The following MBNL3 variants were observed in gnomAD, a reference collection of about 807,000 sequenced individuals.
MBNL3 encodes the protein muscleblind like splicing regulator 3.
In MBNL3, 6 loss-of-function variants were observed where a neutral mutation model predicts 24.5. The observed-to-expected ratio is 0.25, with a 90% confidence interval of 0.13 to 0.48. MBNL3 has a LOEUF of 0.48. Among genes scored for constraint, MBNL3 ranks in the 20% least tolerant of loss-of-function variants. MBNL3 has a pLI of 0.99. For synonymous variants in MBNL3, 100 were observed against 101.7 expected, an observed-to-expected ratio of 0.98 and a Z score of 0.10; for missense variants, 230 against 293.5, an observed-to-expected ratio of 0.78 and a Z score of 1.58.
intron 8 of MBNL3, 24 bp downstream of exon 8, chrX:132,382,154 A>G (rs1422396584): frequency 3.4e-6 from 4 of 1,190,621 alleles, no homozygotes; most frequent in Non-Finnish European, 4.6e-6. Flanking sequence ...TCTTGATCTG[A>G]ACAGCTTAAA....
Position 132,401,405 on chromosome X carries a change from A to G in MBNL3, c.342+4823T>C, listed in dbSNP as rs967208474. Among the ~76,000 whole-genome samples the G allele has an allele frequency of 7.2e-5, 8 of 110,398 alleles. No individual in the cohort carries two copies. The Admixed American group carries it at 7.8e-4, about 11-fold the overall frequency. On this transcript the variant is annotated intron_variant, in intron 3 of 8. Coordinates refer to ENST00000370853, the MANE Select transcript of MBNL3 (RefSeq NM_001386889.1). ...CTTGAGGCTGGGAAATCAGTACCAG[A>G]CTGGGCAACATAGTGAGATCACATT... is the stretch of plus-strand genomic sequence containing the variant.
chrX:132,420,076 G>C lies in MBNL3; in HGVS notation c.178-13684C>G, dbSNP rs766449265. 9.9e-5 allele frequency among the ~76,000 whole-genome samples: 11 copies of C among 111,224 alleles called. No individual in the cohort carries two copies. The South Asian group carries it at 3.1e-3, about 31-fold the overall frequency. On this transcript the variant is annotated intron_variant, in intron 2 of 8. Transcript: ENST00000370853. ...GCAAGCCTCTTGTTCTCTGACCTGG[G>C]GTTCTTGGCCTCATGGATTCCAAGG...
In MBNL3 at chrX:132,406,336, C is replaced by A. The variant is rs770147271; in HGVS notation, c.234G>T (p.Thr78=). Residue 78 remains threonine, a synonymous_variant, in exon 3 of 9, where the codon ACG becomes ACT. Transcript: ENST00000370853. The part of the protein sequence containing the change: ...KYLHPPPHLK[T]QLEINGRNNL... ...TGTTCCGCCCATTAATCTCCAGCTG[C>A]GTTTTTAAGTGTGGAGGAGGGTGAA... 8.3e-7 allele frequency: 1 copy of A among 1,210,707 alleles called. No individual in the cohort carries two copies. Among genetic ancestry groups the A allele is most frequent in the Non-Finnish European group, 1.1e-6 (1 of 894,811 alleles).
At chrX:132,451,018 G>C (rs1160698368) in intron 1 of MBNL3, among the ~76,000 whole-genome samples, 3 of 112,308 alleles carry the variant, frequency 2.7e-5, no homozygotes, top group African/African-American at 9.7e-5. Context: ...ACCAAAGATT[G>C]CTGCCTACTC....
intron 2 of MBNL3, among the ~76,000 whole-genome samples, chrX:132,439,223 G>T (rs1945276285): frequency 9.0e-6 from 1 of 111,165 alleles, no homozygotes; most frequent in African/African-American, 3.3e-5. Flanking sequence ...TTTAGACTTG[G>T]CTTAGCTCTA....
rs773496518 is a variant in MBNL3 at position 132,424,808 on chromosome X, T to A, written c.177+14627A>T. The stretch of plus-strand genomic sequence containing the variant: ...TTCTTTCCTTCTGTTTTTTTTTTTT[T>A]AAATCTCTGACTTGGAAGCAATGTC... On this transcript the variant is annotated intron_variant, in intron 2 of 8. Coordinates refer to ENST00000370853, the MANE Select transcript of MBNL3 (RefSeq NM_001386889.1). 3.1e-4 allele frequency among the ~76,000 whole-genome samples: 34 copies of A among 110,095 alleles called. No homozygotes were observed. The East Asian group carries it at 8.2e-3, about 27-fold the overall frequency.
At chrX:132,430,444 G>A (rs1267506768) in intron 2 of MBNL3, 2 of 111,428 alleles carry the variant, frequency 1.8e-5, no homozygotes, top group Non-Finnish European at 3.8e-5. Flanking sequence ...TCCAATCCAG[G>A]TTCCCACATG....
Position 132,439,851 on chromosome X carries a change from C to T in MBNL3, c.-240G>A, listed in dbSNP as rs764525678. 1.9e-3 allele frequency among the ~76,000 whole-genome samples: 209 copies of T among 111,460 alleles called. 1 individual carries two copies. Among genetic ancestry groups the T allele is most frequent in the African/African-American group, 6.3e-3 (193 of 30,692 alleles). On this transcript the variant is annotated 5_prime_UTR_variant, in exon 2 of 9. Transcript: ENST00000370853. ...AAATTAGAGACCAACTCTTAAGAAG[C>T]CAACTGTTAAGATAATGAATGCTTT... is the stretch of plus-strand genomic sequence containing the variant.
chrX:132,439,584 G>A lies in MBNL3; in HGVS notation c.28C>T (p.Arg10Cys), dbSNP rs1945298864. The A allele has an allele frequency of 8.3e-7, 1 of 1,201,363 alleles. No homozygotes were observed. Among genetic ancestry groups the A allele is most frequent in the Non-Finnish European group, 1.1e-6 (1 of 891,382 alleles). The change falls in exon 2 of 9, where the codon CGT becomes TGT. Residue 10 changes from arginine (R) to cysteine (C), a missense_variant. By Grantham distance (180) the Arg-to-Cys change is radical (BLOSUM62 -3). Transcript: ENST00000370853. ...TCTAAAGTCAGCCACTTGGTATCACGAATCAGGGCAACATTGACAGCCGTC... is the reference window on the plus strand; with the variant it reads ...TCTAAAGTCAGCCACTTGGTATCACAAATCAGGGCAACATTGACAGCCGTC... MTAVNVALI[R>C]DTKWLTLEVC...
intron 1 of MBNL3, among the ~76,000 whole-genome samples, chrX:132,445,446 A>C (rs182726386): frequency 3.6e-5 from 4 of 111,662 alleles, no homozygotes; most frequent in African/African-American, 1.3e-4. Flanking sequence ...TCCAGAAAAA[A>C]AAAATTGTCG....
At chrX:132,474,153 A>G (rs374412699) in intron 1 of MBNL3, among the ~76,000 whole-genome samples, 38 of 111,900 alleles carry the variant, frequency 3.4e-4, no homozygotes, top group African/African-American at 1.2e-3. Flanking sequence ...AAAATCCATG[A>G]AAAACTGAAG....
intron 3 of MBNL3, among the ~76,000 whole-genome samples, chrX:132,404,262 G>GA (rs763601250): frequency 0.015 from 1,628 of 111,541 alleles, 18 homozygotes; most frequent in Non-Finnish European, 0.021. Flanking sequence ...AAAGCTGGGG[G>GA]AAAAAATAGA....
chrX:132,415,078 G>A (rs988855011), intron 2 of MBNL3, among the ~76,000 whole-genome samples: 9 of 111,725 alleles, frequency 8.1e-5, no homozygotes, highest in East Asian at 2.8e-4. Flanking sequence ...AAATAAGAAC[G>A]TCAAGCCTTC....
chrX:132,456,618 C>T (rs977650385), intron 1 of MBNL3, among the ~76,000 whole-genome samples: 4 of 111,896 alleles, frequency 3.6e-5, no homozygotes, highest in African/African-American at 1.3e-4. Context: ...CATTTAAAAA[C>T]CAAATCAGTC....
rs1371925664 is a variant in MBNL3 at position 132,391,064 on chromosome X, C to T, written c.554G>A (p.Arg185His). The T allele has an allele frequency of 2.5e-6, 3 of 1,208,375 alleles. No homozygotes were observed. The highest frequency in any genetic ancestry group is 1.1e-6 in the Non-Finnish European group (1 of 894,390). Residue 185 changes from arginine (R) to histidine (H), a missense_variant, in exon 5 of 9, where the codon CGT becomes CAT. Transcript: ENST00000370853. The stretch of plus-strand genomic sequence containing the variant: ...ATTCTCCCCACGGGTACAATTTCCA[C>T]GCTGAAATTCTCGGCAAACCTTAGA... ...DKLEVCREFQRGNCTRGENDC... is the reference protein window; with the variant it reads ...DKLEVCREFQHGNCTRGENDC...
chrX:132,468,786 T>C (rs983560547), intron 1 of MBNL3, among the ~76,000 whole-genome samples: 16 of 112,138 alleles, frequency 1.4e-4, no homozygotes, highest in Non-Finnish European at 2.8e-4. Flanking sequence ...GTACTGCCTC[T>C]AATGGGCACA....
rs1215289182 is a variant in MBNL3, at chrX:132,370,472, T to C, written c.*9194A>G. On this transcript the variant is annotated 3_prime_UTR_variant, in exon 9 of 9. Transcript: ENST00000370853. ...TGAATGACTGCATTGCTTATAGGAA[T>C]TCCATCTCTGCACCTAAACACTGAG... 1 of 112,057 alleles carries C rather than the reference T, an allele frequency of 8.9e-6. No individual in the cohort carries two copies. The highest frequency in any genetic ancestry group is 1.9e-5 in the Non-Finnish European group (1 of 53,197). The allele number at this position is 112,057 out of a possible 1,213,427, so 9.2% of individuals were successfully genotyped here.
chrX:132,456,246 A>G (rs1440738566), intron 1 of MBNL3, among the ~76,000 whole-genome samples: 1 of 112,236 alleles, frequency 8.9e-6, no homozygotes, highest in East Asian at 2.8e-4. Context: ...TGTCTACACA[A>G]AATATTTTCT....
intron 1 of MBNL3, among the ~76,000 whole-genome samples, chrX:132,464,568 A>G (rs751345519): frequency 3.0e-4 from 34 of 112,443 alleles, no homozygotes; most frequent in Non-Finnish European, 5.3e-4. Flanking sequence ...CCAAAAAAAC[A>G]TTAATTCCAT....
Sources: allele counts gnomAD v4.1 joint callset (sites outside exome capture counted in the v4.1 genomes callset), GRCh38; gene constraint gnomAD v4.1.1; transcripts MANE v1.5; gene names NCBI Gene and HGNC (gene_info 2026-07-23, HGNC 2026-07-21).